MEI1: variants seen among roughly 807,000 people sequenced by gnomAD.
MEI1 encodes meiotic double-stranded break formation protein 1, also known as meiosis inhibitor protein 1.
In MEI1, 103 loss-of-function variants were observed where a neutral mutation model predicts 146.2. That is an observed-to-expected ratio of 0.70 (90% CI 0.60 to 0.83). The LOEUF (loss-of-function observed/expected upper bound fraction) is 0.83, where lower values mean the gene tolerates loss of function less well. Ranked by LOEUF, MEI1 falls within the 40% of genes least tolerant of loss-of-function variation. The pLI, the probability that MEI1 is intolerant of heterozygous loss-of-function variation, is 0.00. For synonymous variants in MEI1, 652 were observed against 628.2 expected (o/e 1.04, Z -0.57); for missense variants, 1,529 against 1,533.0 (o/e 1.00, Z 0.04).
intron 22 of MEI1, among the ~76,000 whole-genome samples, chr22:41,780,509 T>G (rs544382929): frequency 3.4e-4 from 52 of 152,020 alleles, no homozygotes; most frequent in Admixed American, 1.2e-3. Context: ...CAGAAGCACA[T>G]CTAATCTTGC....
rs746827291 is a variant in MEI1 at position 41,743,071 on chromosome 22, T to C, written c.1332-9T>C. The C allele has an allele frequency of 1.2e-5, 19 of 1,600,406 alleles. No homozygotes were observed. The South Asian group carries it at 1.5e-4, about 13-fold the overall frequency. ...TACCGTGAACCTGCTTTTGTCTCTCTGGATGCAGGAAGGACCATCAGAGCA... is the reference window on the plus strand; with the variant it reads ...TACCGTGAACCTGCTTTTGTCTCTCCGGATGCAGGAAGGACCATCAGAGCA... On this transcript the variant is annotated splice_polypyrimidine_tract_variant and intron_variant, in intron 11 of 30. Transcript: ENST00000401548.
intron 9 of MEI1, 75 bp downstream of exon 9, chr22:41,730,712 T>TA: frequency 2.2e-6 from 2 of 914,656 alleles, no homozygotes; most frequent in African/African-American, 3.3e-5. Flanking sequence ...GCCGCAGTGA[T>TA]GGGGGGCTAG....
rs746901714 is a variant in MEI1 at position 41,795,842 on chromosome 22, C to G, written c.3774C>G (p.Asp1258Glu). Residue 1258 changes from aspartate to glutamate, a missense_variant, in exon 30 of 31, where the codon GAC becomes GAG. Transcript: ENST00000401548. This position sits in a 1 kb window ranked among gnomAD's most constrained non-coding sequence, Gnocchi z 4.2. ...STSSGQPPLQDMLCLGGVAVS... is the reference protein window; with the variant it reads ...STSSGQPPLQEMLCLGGVAVS... ...CCTCAGGCCAGCCACCCCTGCAGGA[C>G]ATGCTGTATCCTTTCTTGCATCTAT... The G allele has an allele frequency of 6.2e-7, 1 of 1,613,446 alleles. No homozygotes were observed. The highest frequency in any genetic ancestry group is 8.5e-7 in the Non-Finnish European group (1 of 1,179,644).
At chr22:41,718,945 C>T (rs1358929367) in intron 6 of MEI1, among the ~76,000 whole-genome samples, 1 of 150,506 alleles carries the variant, frequency 6.6e-6, no homozygotes, top group East Asian at 1.9e-4. Flanking sequence ...TTTCTCAGCT[C>T]ACTGCAACCT....
At chr22:41,731,521 A>ATT (rs5845507) in intron 9 of MEI1, among the ~76,000 whole-genome samples, 11 of 151,794 alleles carry the variant, frequency 7.2e-5, no homozygotes, top group South Asian at 2.1e-4. Context: ...CACCTGGCTA[A>ATT]TTTTTTTGTA....
chr22:41,767,988 A>G (rs2074959636), intron 19 of MEI1, among the ~76,000 whole-genome samples: 2 of 152,210 alleles, frequency 1.3e-5, no homozygotes, highest in South Asian at 4.1e-4. Flanking sequence ...CTATCCATTC[A>G]AGGAAGGAAG....
chr22:41,760,464 G>A (rs1029386683), intron 18 of MEI1, among the ~76,000 whole-genome samples: 3 of 151,932 alleles, frequency 2.0e-5, no homozygotes, highest in Non-Finnish European at 2.9e-5. Flanking sequence ...AGCTGAGATC[G>A]TGCCACTGCA....
At chr22:41,707,642 TA>T (rs150162504) in intron 3 of MEI1, among the ~76,000 whole-genome samples, 3 of 150,884 alleles carry the variant, frequency 2.0e-5, no homozygotes, top group Non-Finnish European at 3.0e-5. Context: ...GACTGTCTCT[TA>T]AAAAAAAAGT....
intron 2 of MEI1, among the ~76,000 whole-genome samples, chr22:41,703,900 T>C (rs1221901805): frequency 6.6e-6 from 1 of 152,140 alleles, no homozygotes; most frequent in East Asian, 1.9e-4. Context: ...GCATGAGAAT[T>C]GCTTGAACCC....
chr22:41,754,737 G>A (rs191802374), intron 17 of MEI1, among the ~76,000 whole-genome samples: 7 of 152,278 alleles, frequency 4.6e-5, no homozygotes, highest in Non-Finnish European at 1.0e-4. Flanking sequence ...GCCAAGAGGT[G>A]TTTCTTGAGC....
At chr22:41,771,042 G>T (rs2075152358) in intron 20 of MEI1, 81 bp downstream of exon 20, 2 of 1,488,842 alleles carry the variant, frequency 1.3e-6, no homozygotes, top group East Asian at 4.5e-5. Flanking sequence ...AGGTCAGGAG[G>T]CACCCACATC....
chr22:41,759,758 G>T (rs1022726264), intron 18 of MEI1, among the ~76,000 whole-genome samples: 1 of 152,158 alleles, frequency 6.6e-6, no homozygotes, highest in Non-Finnish European at 1.5e-5. Flanking sequence ...GAACCCAGGA[G>T]GTGGAGGTTG....
chr22:41,778,929 AGT>A, intron 22 of MEI1, 117 bp downstream of exon 22: 1 of 730,222 alleles, frequency 1.4e-6, no homozygotes, highest in Non-Finnish European at 2.3e-6. Flanking sequence ...GGAAGAAGCT[AGT>A]AGGTCAGTCT....
intron 2 of MEI1, among the ~76,000 whole-genome samples, chr22:41,704,521 C>T: frequency 6.6e-6 from 1 of 151,260 alleles, no homozygotes; most frequent in Admixed American, 6.6e-5. Flanking sequence ...TCAAGCAATT[C>T]TCCTGTCTCA....
chr22:41,716,980 C>T (rs1601703220), intron 5 of MEI1, among the ~76,000 whole-genome samples: 1 of 151,872 alleles, frequency 6.6e-6, no homozygotes, highest in East Asian at 1.9e-4. Context: ...TGAGCCACCA[C>T]GCCCGGCTCC....
intron 11 of MEI1, among the ~76,000 whole-genome samples, chr22:41,734,919 G>C (rs1016035159): frequency 1.3e-5 from 2 of 151,462 alleles, no homozygotes; most frequent in African/African-American, 4.9e-5. Flanking sequence ...TTACAGGTAT[G>C]AGCCACTTGC....
intron 3 of MEI1, among the ~76,000 whole-genome samples, chr22:41,706,289 A>G (rs1171954024): frequency 2.6e-5 from 4 of 152,122 alleles, no homozygotes; most frequent in Non-Finnish European, 5.9e-5. Context: ...AAGTGCTGGG[A>G]TTATAGGCGT....
intron 26 of MEI1, among the ~76,000 whole-genome samples, chr22:41,786,003 C>T (rs139551): frequency 0.15 from 21,165 of 142,116 alleles, 2,290 homozygotes; most frequent in Admixed American, 0.32. Context: ...CTCCGCCTCC[C>T]GGGTTCACGC....
In MEI1 at chr22:41,745,981, A is replaced by T; in HGVS notation, c.1635A>T (p.Glu545Asp). 6.2e-7 allele frequency: 1 copy of T among 1,612,522 alleles called. No homozygotes were observed. The stretch of plus-strand genomic sequence containing the variant: ...AAGACACCTTGGAGGCCTTCTCAGA[A>T]TTTCTTCTCAGTGCCTGTGACTCGC... ...KKEDTLEAFS[E>D]FLLSACDSLC... The change falls in exon 14 of 31, where the codon GAA (glutamate) becomes GAT (aspartate). Residue 545 changes from glutamate to aspartate, a missense_variant. Glu to Asp is a conservative substitution (Grantham distance 45). Transcript: ENST00000401548.
Sources: allele counts gnomAD v4.1 joint callset (sites outside exome capture counted in the v4.1 genomes callset), GRCh38; gene constraint gnomAD v4.1.1; non-coding constraint Gnocchi (gnomAD v3.1); transcripts MANE v1.5; gene names NCBI Gene and HGNC (gene_info 2026-07-23, HGNC 2026-07-21).